The following NUBPL variants were observed in gnomAD, a reference collection of about 807,000 sequenced individuals.
NUBPL encodes iron-sulfur cluster transfer protein NUBPL.
NUBPL carries 31 observed loss-of-function variants against 45.7 expected under a neutral mutation model. The ratio of observed to expected loss-of-function variants is 0.68; its 90% CI spans 0.51 to 0.92. The LOEUF is 0.92. Among genes scored for constraint, NUBPL ranks in the 40% least tolerant of loss-of-function variants. The pLI, the probability that NUBPL is intolerant of heterozygous loss-of-function variation, is 0.00. For missense variants in NUBPL, 401 were observed against 398.7 expected (o/e 1.01, Z -0.05); for synonymous variants, 144 against 140.9 (o/e 1.02, Z -0.15).
intron 6 of NUBPL, among the ~76,000 whole-genome samples, chr14:31,730,550 G>A (rs548985816): frequency 1.3e-4 from 20 of 149,732 alleles, no homozygotes; most frequent in African/African-American, 4.2e-4. Context: ...TGCAAGCTCC[G>A]CCTCCTGGGT....
At chr14:31,785,674 T>C (rs1271841689) in intron 6 of NUBPL, among the ~76,000 whole-genome samples, 1 of 152,168 alleles carries the variant, frequency 6.6e-6, no homozygotes, top group African/African-American at 2.4e-5. Context: ...CTATCTATCT[T>C]TCTGCATGTC....
chr14:31,591,017 G>A (rs1482865283), intron 3 of NUBPL, among the ~76,000 whole-genome samples: 1 of 152,098 alleles, frequency 6.6e-6, no homozygotes, highest in African/African-American at 2.4e-5. Context: ...TAAAGAAGAA[G>A]TTGCTTCTCC....
intron 4 of NUBPL, 89 bp downstream of exon 4, chr14:31,599,468 T>C: frequency 1.1e-6 from 1 of 896,178 alleles, no homozygotes; most frequent in South Asian, 1.4e-5. Flanking sequence ...ATGCAATGTA[T>C]ATTTTATGCA....
intron 6 of NUBPL, among the ~76,000 whole-genome samples, chr14:31,679,168 G>A (rs1473966666): frequency 6.6e-6 from 1 of 152,198 alleles, no homozygotes; most frequent in Non-Finnish European, 1.5e-5. Context: ...TGATGGGGAA[G>A]GGTGGAGACC....
At chr14:31,848,566 C>T (rs2040489512) in intron 9 of NUBPL, among the ~76,000 whole-genome samples, 1 of 152,166 alleles carries the variant, frequency 6.6e-6, no homozygotes, top group African/African-American at 2.4e-5. Context: ...AACCCTTTAA[C>T]CTATTATATG....
intron 6 of NUBPL, among the ~76,000 whole-genome samples, chr14:31,713,033 A>G (rs1204527774): frequency 1.3e-5 from 2 of 152,162 alleles, no homozygotes; most frequent in South Asian, 2.1e-4. Flanking sequence ...CATTGTCTGG[A>G]TGTGGTGATC....
At chr14:31,588,988 TTG>T (rs1258659706) in intron 3 of NUBPL, among the ~76,000 whole-genome samples, 1 of 151,958 alleles carries the variant, frequency 6.6e-6, no homozygotes, top group African/African-American at 2.4e-5. Flanking sequence ...TATCAAAAAA[TTG>T]TTACTACTTG....
At position 31,710,644 on chromosome 14, in the gene NUBPL, G is replaced by A. The variant is rs139452326; in HGVS notation, c.513+37070G>A. ...TCCTGTTAGTACTGGAACCTTACCC[G>A]TGTCCTATAAAGATGTTATGCCCCC... On this transcript the variant is annotated intron_variant, in intron 6 of 10. Transcript: ENST00000281081. 6.5e-3 allele frequency among the ~76,000 whole-genome samples: 988 copies of A among 152,224 alleles called. 11 individuals carry two copies. Among genetic ancestry groups the A allele is most frequent in the African/African-American group, 0.022 (925 of 41,542 alleles).
chr14:31,592,371 A>G (rs918358557), intron 3 of NUBPL, among the ~76,000 whole-genome samples: 3 of 152,138 alleles, frequency 2.0e-5, no homozygotes, highest in African/African-American at 7.2e-5. Flanking sequence ...TTTTACAGGA[A>G]TGAAATGGGA....
At chr14:31,565,225 G>A (rs550904608) in intron 3 of NUBPL, among the ~76,000 whole-genome samples, 177 bp downstream of exon 3, 54 of 152,114 alleles carry the variant, frequency 3.5e-4, no homozygotes, top group Non-Finnish European at 6.2e-4. Context: ...TAATAATAAT[G>A]TATTTAAGTG....
Position 31,665,209 on chromosome 14 carries a change from C to T in NUBPL, c.383-8146C>T, listed in dbSNP as rs189233208. On this transcript the variant is annotated intron_variant, in intron 4 of 10. Coordinates refer to ENST00000281081, the MANE Select transcript of NUBPL (RefSeq NM_025152.3). ...TTCATTGATTTTTTGAAGGGTTTTT[C>T]GTGTCTATCTCTTTCAGTTCTTCTC... Among the ~76,000 whole-genome samples, 18 of 151,742 alleles carry T rather than the reference C, an allele frequency of 1.2e-4. No individual in the cohort carries two copies. The East Asian group carries it at 2.1e-3, about 18-fold the overall frequency.
At chr14:31,827,266 A>G (rs1180300093) in intron 8 of NUBPL, among the ~76,000 whole-genome samples, 3 of 152,010 alleles carry the variant, frequency 2.0e-5, no homozygotes, top group East Asian at 1.9e-4. Context: ...ACTTAAATAC[A>G]TGCTAGGGGT....
intron 4 of NUBPL, among the ~76,000 whole-genome samples, chr14:31,639,464 G>A (rs915171161): frequency 2.0e-5 from 3 of 152,118 alleles, no homozygotes; most frequent in Non-Finnish European, 2.9e-5. Context: ...AGGAGTACCC[G>A]GCTGTGTGAG....
intron 4 of NUBPL, among the ~76,000 whole-genome samples, chr14:31,622,555 C>A (rs1477892426): frequency 2.6e-5 from 4 of 152,172 alleles, no homozygotes; most frequent in Non-Finnish European, 5.9e-5. Context: ...CTCCACTGGT[C>A]TTTGCAGCCT....
chr14:31,579,113 A>C (rs1254626373), intron 3 of NUBPL, among the ~76,000 whole-genome samples: 1 of 152,056 alleles, frequency 6.6e-6, no homozygotes, highest in East Asian at 1.9e-4. Context: ...CCTTCTCCAA[A>C]CCCTGGAAAA....
Position 31,580,452 on chromosome 14 carries a change from C to T in NUBPL, c.291+15404C>T, listed in dbSNP as rs559817068. ...AGCTTGAGCAACATAGTGAGATCCC[C>T]GTTTCTACAACAACAAGTAGCTGGG... On this transcript the variant is annotated intron_variant, in intron 3 of 10. Transcript: ENST00000281081. Among the ~76,000 whole-genome samples, 14 of 152,140 alleles carry T rather than the reference C, an allele frequency of 9.2e-5. No homozygotes were observed. The South Asian group carries it at 2.3e-3, about 25-fold the overall frequency.
intron 6 of NUBPL, among the ~76,000 whole-genome samples, chr14:31,750,379 T>A (rs1344848108): frequency 6.7e-6 from 1 of 150,370 alleles, no homozygotes; most frequent in Admixed American, 6.6e-5. Context: ...TTTTTTATTT[T>A]TTTTTATTTT....
chr14:31,598,037 A>G (rs1449248992), intron 3 of NUBPL, among the ~76,000 whole-genome samples: 1 of 152,120 alleles, frequency 6.6e-6, no homozygotes, highest in Non-Finnish European at 1.5e-5. Context: ...TAAATTTTAT[A>G]TACCACCATT....
At chr14:31,563,592 T>G (rs1335054899) in intron 2 of NUBPL, among the ~76,000 whole-genome samples, 1 of 152,220 alleles carries the variant, frequency 6.6e-6, no homozygotes, top group Non-Finnish European at 1.5e-5. Flanking sequence ...CTATTGGTAT[T>G]ATTAATATAT....
Sources: allele counts gnomAD v4.1 joint callset (sites outside exome capture counted in the v4.1 genomes callset), GRCh38; gene constraint gnomAD v4.1.1; transcripts MANE v1.5; gene names NCBI Gene and HGNC (gene_info 2026-07-23, HGNC 2026-07-21).